The following DLGAP2 variants were observed in gnomAD, a reference collection of about 807,000 sequenced individuals.
DLGAP2 encodes the protein DLG associated protein 2.
DLGAP2 carries 26 observed loss-of-function variants against 100.3 expected under a neutral mutation model. The observed-to-expected ratio is 0.26, with a 90% confidence interval of 0.19 to 0.36. The LOEUF is 0.36. Ranked by LOEUF, DLGAP2 falls within the 10% of genes least tolerant of loss-of-function variation. The pLI, the probability that DLGAP2 is intolerant of heterozygous loss-of-function variation, is 1.00. For synonymous variants in DLGAP2, 886 were observed against 630.1 expected, an observed-to-expected ratio of 1.41 and a Z score of -6.08; for missense variants, 1,858 against 1,453.2, an observed-to-expected ratio of 1.28 and a Z score of -4.53.
chr8:890,951 T>A (rs1798022164), intron 1 of DLGAP2, among the ~76,000 whole-genome samples: 1 of 152,084 alleles, frequency 6.6e-6, no homozygotes. Flanking sequence ...CCTTACTGGC[T>A]CCCCCTTGTC....
At chr8:1,428,555 C>A (rs1444653441) in intron 3 of DLGAP2, among the ~76,000 whole-genome samples, 1 of 151,716 alleles carries the variant, frequency 6.6e-6, no homozygotes, top group East Asian at 1.9e-4. Flanking sequence ...AATTATAGGT[C>A]AGATTGACTG....
At chr8:1,468,502 T>C (rs61705979) in intron 3 of DLGAP2, among the ~76,000 whole-genome samples, 10,825 of 152,174 alleles carry the variant, frequency 0.071, 1,277 homozygotes, top group African/African-American at 0.24. Flanking sequence ...CCTGAGTCCT[T>C]AGCAGCCATG....
In DLGAP2 at chr8:1,211,274, C is replaced by A. The variant is rs377715313; in HGVS notation, c.74-47577C>A. Among the ~76,000 whole-genome samples, 8 of 152,246 alleles carry A rather than the reference C, an allele frequency of 5.3e-5. No individual in the cohort carries two copies. In the East Asian group the frequency reaches 1.4e-3, roughly 26 times the overall value. ...TCCTTGATGGCAAACACAGGGTGGC[C>A]GTGGGGACGTTGTTAAAAGTGGGTC... On this transcript the variant is annotated intron_variant, in intron 2 of 14. Coordinates refer to ENST00000637795, the MANE Select transcript of DLGAP2 (RefSeq NM_001346810.2).
At chr8:1,482,849 G>A (rs1028066059) in intron 3 of DLGAP2, among the ~76,000 whole-genome samples, 4 of 152,374 alleles carry the variant, frequency 2.6e-5, no homozygotes, top group South Asian at 4.1e-4. Flanking sequence ...CAGAAGAGGA[G>A]GGAGACGCAG....
At chr8:1,211,630 C>T (rs539867874) in intron 2 of DLGAP2, among the ~76,000 whole-genome samples, 4 of 152,290 alleles carry the variant, frequency 2.6e-5, no homozygotes, top group African/African-American at 9.6e-5. Flanking sequence ...AATCCCAGCA[C>T]TTTGGGAGGC....
At chr8:1,282,962 C>T (rs375512222) in intron 3 of DLGAP2, among the ~76,000 whole-genome samples, 1 of 127,612 alleles carries the variant, frequency 7.8e-6, no homozygotes, top group Non-Finnish European at 1.6e-5. Context: ...CGCCCTGAAC[C>T]ATCTGGACGT....
chr8:1,354,573 A>G (rs1287521514), intron 3 of DLGAP2, among the ~76,000 whole-genome samples: 1 of 152,194 alleles, frequency 6.6e-6, no homozygotes. Flanking sequence ...GGCCATTAAG[A>G]TGATGCTGTG....
At chr8:1,391,377 A>G (rs2129812572) in intron 3 of DLGAP2, among the ~76,000 whole-genome samples, 1 of 152,320 alleles carries the variant, frequency 6.6e-6, no homozygotes, top group East Asian at 1.9e-4. Flanking sequence ...CAGAGGCCAG[A>G]TCGGATCTGT....
intron 2 of DLGAP2, among the ~76,000 whole-genome samples, chr8:1,067,236 G>C (rs1272038697): frequency 1.3e-5 from 2 of 152,198 alleles, no homozygotes; most frequent in African/African-American, 4.8e-5. Context: ...CCAGTTCCTG[G>C]GCTTCCTCCC....
chr8:1,351,650 C>T (rs537222733), intron 3 of DLGAP2, among the ~76,000 whole-genome samples: 1 of 69,678 alleles, frequency 1.4e-5, no homozygotes, highest in Non-Finnish European at 2.9e-5. Flanking sequence ...CGTGGAAAGG[C>T]CGTGCGGGTC....
At chr8:962,329 A>G (rs1029441943) in intron 2 of DLGAP2, among the ~76,000 whole-genome samples, 1 of 152,196 alleles carries the variant, frequency 6.6e-6, no homozygotes, top group African/African-American at 2.4e-5. Context: ...ACTGAATACA[A>G]TTAAATTACC....
chr8:830,304 A>G (rs1312472056), intron 1 of DLGAP2, among the ~76,000 whole-genome samples: 1 of 152,222 alleles, frequency 6.6e-6, no homozygotes, highest in Non-Finnish European at 1.5e-5. Context: ...TGTTACAAAC[A>G]ATCCAATTAT....
At chr8:1,516,254 A>G (rs929703165) in intron 4 of DLGAP2, among the ~76,000 whole-genome samples, 11 of 151,956 alleles carry the variant, frequency 7.2e-5, no homozygotes, top group Non-Finnish European at 1.0e-4. Flanking sequence ...TAAATGAGTG[A>G]GTGAAAGAGC....
intron 1 of DLGAP2, among the ~76,000 whole-genome samples, chr8:802,795 C>T (rs1301758934): frequency 6.6e-6 from 1 of 152,182 alleles, no homozygotes; most frequent in African/African-American, 2.4e-5. Context: ...CCCAAGTACC[C>T]GTTTTCACCC....
chr8:1,227,836 G>A (rs1681608398), intron 2 of DLGAP2, among the ~76,000 whole-genome samples: 2 of 152,098 alleles, frequency 1.3e-5, no homozygotes, highest in South Asian at 4.1e-4. Context: ...TACAACAGGA[G>A]AATTATAGCT....
chr8:808,294 G>T (rs989603297), intron 1 of DLGAP2, among the ~76,000 whole-genome samples: 1 of 152,152 alleles, frequency 6.6e-6, no homozygotes, highest in Non-Finnish European at 1.5e-5. Context: ...ATCTCCAGGG[G>T]GCCTGTGCAC....
intron 3 of DLGAP2, among the ~76,000 whole-genome samples, chr8:1,423,975 G>A (rs1388915119): frequency 6.6e-6 from 1 of 152,236 alleles, no homozygotes; most frequent in Admixed American, 6.5e-5. Flanking sequence ...CAACTCACAT[G>A]ACTGGAATGA....
intron 1 of DLGAP2, among the ~76,000 whole-genome samples, chr8:881,960 C>T (rs999797621): frequency 2.6e-5 from 4 of 152,200 alleles, no homozygotes; most frequent in African/African-American, 9.7e-5. Context: ...GAGTCCCCTG[C>T]CATGCAAACT....
At chr8:1,529,485 T>C (rs192391860) in intron 4 of DLGAP2, among the ~76,000 whole-genome samples, 1 of 152,288 alleles carries the variant, frequency 6.6e-6, no homozygotes, top group Admixed American at 6.5e-5. Context: ...ACAGGAGAGC[T>C]GAGGGTTGGA....
Sources: gnomAD v4.1 joint callset for allele counts (sites outside exome capture counted in the v4.1 genomes callset) on GRCh38, gnomAD v4.1.1 for gene constraint, MANE v1.5 for transcripts, NCBI Gene and HGNC (gene_info 2026-07-23, HGNC 2026-07-21) for gene names.